MARCHF7: variants seen among roughly 807,000 people sequenced by gnomAD.
MARCHF7 encodes the protein E3 ubiquitin-protein ligase MARCHF7.
A neutral mutation model predicts 76.5 loss-of-function variants in MARCHF7; 20 were observed. The observed-to-expected ratio is 0.26, with a 90% confidence interval of 0.18 to 0.38. The LOEUF is 0.38. Ranked by LOEUF, MARCHF7 falls within the 10% of genes least tolerant of loss-of-function variation. The pLI, the probability that MARCHF7 is intolerant of heterozygous loss-of-function variation, is 1.00. For missense variants in MARCHF7, 797 were observed against 812.9 expected (o/e 0.98, Z 0.24); for synonymous variants, 295 against 293.0 (o/e 1.01, Z -0.07).
At chr2:159,744,497 C>T (rs1395569595) in intron 5 of MARCHF7, among the ~76,000 whole-genome samples, 1 of 152,226 alleles carries the variant, frequency 6.6e-6, no homozygotes, top group Non-Finnish European at 1.5e-5. Context: ...CTCACTCATA[C>T]TCCTCTTCCA....
chr2:159,765,252 G>C (rs1208564560), intron 11 of MARCHF7, among the ~76,000 whole-genome samples: 1 of 151,634 alleles, frequency 6.6e-6, no homozygotes, highest in African/African-American at 2.4e-5. Flanking sequence ...TTAATAGGTA[G>C]CCAGCTCTGC....
chr2:159,735,368 C>G (rs557263892), intron 4 of MARCHF7, among the ~76,000 whole-genome samples: 1 of 152,196 alleles, frequency 6.6e-6, no homozygotes, highest in African/African-American at 2.4e-5. Flanking sequence ...TAAGAAATGA[C>G]TTTATTAAGT....
Position 159,759,269 on chromosome 2 carries a change from G to A in MARCHF7, c.1827G>A (p.Glu609=), listed in dbSNP as rs1706711817. Reference sequence around the variant, plus strand: ...TAACCACCTGTGAACTATGTAAAGAGAAGTTGGAGCTTAACCTGGAGGATT... The same window carrying A: ...TAACCACCTGTGAACTATGTAAAGAAAAGTTGGAGCTTAACCTGGAGGATT... ...EAVTTCELCK[E]KLELNLEDFD... is the part of the protein sequence containing the mutation. The change falls in exon 9 of 12, where the codon GAG becomes GAA. Residue 609 remains glutamate, a synonymous_variant. Coordinates refer to ENST00000409175, the MANE Select transcript of MARCHF7 (RefSeq NM_001282805.2). The A allele has an allele frequency of 6.2e-7, 1 of 1,612,048 alleles. No homozygotes were observed. The highest frequency in any genetic ancestry group is 1.7e-5 in the Admixed American group (1 of 59,934).
At chr2:159,738,296 G>A (rs1446030038) in intron 4 of MARCHF7, among the ~76,000 whole-genome samples, 1 of 152,184 alleles carries the variant, frequency 6.6e-6, no homozygotes, top group Admixed American at 6.5e-5. Flanking sequence ...CTGGTTCAGG[G>A]AGCTCCTAGG....
chr2:159,718,003 G>C (rs1701229993), intron 3 of MARCHF7, among the ~76,000 whole-genome samples: 1 of 152,162 alleles, frequency 6.6e-6, no homozygotes, highest in South Asian at 2.1e-4. Context: ...AATTTCTACT[G>C]AGCTGTTTAT....
chr2:159,763,041 G>A (rs1707305188), intron 10 of MARCHF7, 48 bp downstream of exon 10: 2 of 1,190,856 alleles, frequency 1.7e-6, no homozygotes, highest in Non-Finnish European at 2.5e-6. Context: ...TGCAGCAAGT[G>A]TATGCCTTGG....
chr2:159,767,413 C>G lies in MARCHF7; in HGVS notation c.*71C>G. ...AAAAATGGCAATTAAATATAAATTA[C>G]TTTTGTGGGGGAATGCCTAATAAAT... On this transcript the variant is annotated 3_prime_UTR_variant, in exon 12 of 12. Transcript: ENST00000409175. 8.6e-7 allele frequency: 1 copy of G among 1,160,532 alleles called. No individual in the cohort carries two copies. The highest frequency in any genetic ancestry group is 1.3e-6 in the Non-Finnish European group (1 of 783,734). 71.9% of individuals were successfully genotyped at this position (1,160,532 alleles called of 1,614,324 possible).
At chr2:159,749,192 G>C (rs1705296327) in intron 7 of MARCHF7, among the ~76,000 whole-genome samples, 1 of 151,756 alleles carries the variant, frequency 6.6e-6, no homozygotes, top group Non-Finnish European at 1.5e-5. Flanking sequence ...TGGTCAGGCT[G>C]GTCTCAAACT....
intron 3 of MARCHF7, among the ~76,000 whole-genome samples, chr2:159,719,519 A>T (rs752700377): frequency 1.1e-4 from 16 of 152,066 alleles, no homozygotes; most frequent in Non-Finnish European, 1.9e-4. Flanking sequence ...ATTGAATCTG[A>T]CTTTTATCCA....
intron 4 of MARCHF7, among the ~76,000 whole-genome samples, chr2:159,740,657 G>A (rs1422029662): frequency 6.6e-6 from 1 of 152,194 alleles, no homozygotes; most frequent in African/African-American, 2.4e-5. Context: ...TTGATTGGGT[G>A]TCTGTAATAT....
rs189370241 is a variant in MARCHF7 at position 159,723,814 on chromosome 2, A to G, written c.-14-5195A>G. Among the ~76,000 whole-genome samples, 51 of 152,238 alleles carry G rather than the reference A, an allele frequency of 3.4e-4. 2 individuals carry two copies. In the East Asian group the frequency reaches 7.7e-3, roughly 23 times the overall value. Reference sequence around the variant, plus strand: ...AATTTTTAAAATTGCCTTTTCTTCTATATACACAGTTTTTTCAAGTTGTAC... The same window carrying G: ...AATTTTTAAAATTGCCTTTTCTTCTGTATACACAGTTTTTTCAAGTTGTAC... On this transcript the variant is annotated intron_variant, in intron 3 of 11. Coordinates refer to ENST00000409175, the MANE Select transcript of MARCHF7 (RefSeq NM_001282805.2).
At chr2:159,752,291 A>G in intron 7 of MARCHF7, 111 bp from the exon 8 acceptor site, 2 of 984,520 alleles carry the variant, frequency 2.0e-6, no homozygotes, top group Non-Finnish European at 2.8e-6. Context: ...TTTTCCACCC[A>G]GAGACAGTGT....
At chr2:159,736,445 T>G (rs1053505835) in intron 4 of MARCHF7, among the ~76,000 whole-genome samples, 12 of 152,238 alleles carry the variant, frequency 7.9e-5, no homozygotes, top group African/African-American at 2.9e-4. Context: ...TAATAGTTCC[T>G]TTGCTCATTT....
intron 3 of MARCHF7, among the ~76,000 whole-genome samples, chr2:159,719,814 C>T (rs1267373201): frequency 6.6e-6 from 1 of 152,092 alleles, no homozygotes. Context: ...AAAAACAGAA[C>T]AGATTAGAGA....
intron 3 of MARCHF7, among the ~76,000 whole-genome samples, chr2:159,717,305 A>G (rs796676002): frequency 5.3e-5 from 8 of 152,344 alleles, no homozygotes; most frequent in African/African-American, 1.9e-4. Flanking sequence ...GGACATTTGT[A>G]GCCATATTTT....
In MARCHF7 at chr2:159,743,136, C is replaced by T. The variant is rs139916486; in HGVS notation, c.229C>T (p.Arg77Cys). 43 of 1,614,010 alleles carry T rather than the reference C, an allele frequency of 2.7e-5. No individual in the cohort carries two copies. Among genetic ancestry groups the T allele is most frequent in the East Asian group, 1.1e-4 (5 of 44,898 alleles). ...YSESEITQGA[R>C]SRSQNQQRDH... ...TGAATCTGAGATAACTCAGGGAGCA[C>T]GCTCAAGATCGCAGAACCAGCAACG... The change falls in exon 5 of 12, where the codon CGC (arginine) becomes TGC (cysteine). Residue 77 changes from arginine (R) to cysteine (C), a missense_variant. By Grantham distance (180) the Arg-to-Cys change is radical (BLOSUM62 -3). Coordinates refer to ENST00000409175, the MANE Select transcript of MARCHF7 (RefSeq NM_001282805.2).
intron 4 of MARCHF7, 21 bp downstream of exon 4, chr2:159,729,196 A>G: frequency 6.4e-7 from 1 of 1,559,158 alleles, no homozygotes; most frequent in Non-Finnish European, 8.7e-7. Flanking sequence ...TATTTGGAAT[A>G]TATGTATACA....
At chr2:159,754,576 A>G (rs959198777) in intron 8 of MARCHF7, among the ~76,000 whole-genome samples, 1 of 152,200 alleles carries the variant, frequency 6.6e-6, no homozygotes, top group Non-Finnish European at 1.5e-5. Context: ...TGGGATCACA[A>G]GAAGTGTTTT....
intron 2 of MARCHF7, among the ~76,000 whole-genome samples, chr2:159,715,067 A>G (rs944887268): frequency 3.3e-5 from 5 of 152,212 alleles, no homozygotes; most frequent in Admixed American, 1.3e-4. Context: ...ATAAAGAACA[A>G]TGGGACATGA....
Sources: allele counts gnomAD v4.1 joint callset (sites outside exome capture counted in the v4.1 genomes callset), GRCh38; gene constraint gnomAD v4.1.1; transcripts MANE v1.5; gene names NCBI Gene and HGNC (gene_info 2026-07-23, HGNC 2026-07-21).